Variants in TMEM18 observed in about 807,000 individuals in gnomAD.
The protein encoded by TMEM18 is transmembrane protein 18.
In TMEM18, 14 loss-of-function variants were observed where a neutral mutation model predicts 17.4. The ratio of observed to expected loss-of-function variants is 0.80; its 90% CI spans 0.53 to 1.25. The LOEUF (loss-of-function observed/expected upper bound fraction) is 1.25, where lower values mean the gene tolerates loss of function less well. Among genes scored for constraint, TMEM18 ranks in the 50% most tolerant of loss-of-function variants. The pLI is 0.00. For synonymous variants in TMEM18, 86 were observed against 66.1 expected (o/e 1.30, Z -1.46); for missense variants, 187 against 172.1 (o/e 1.09, Z -0.48).
Position 667,273 on chromosome 2 carries a change from C to T in TMEM18, c.*2307G>A, listed in dbSNP as rs1678718637. 6.6e-6 allele frequency: 1 copy of T among 151,426 alleles called. No homozygotes were observed. The highest frequency in any genetic ancestry group is 1.5e-5 in the Non-Finnish European group (1 of 67,916). The allele number at this position is 151,426 out of a possible 1,614,324, so 9.4% of individuals were successfully genotyped here. On this transcript the variant is annotated 3_prime_UTR_variant, in exon 5 of 5. Coordinates refer to ENST00000281017, the MANE Select transcript of TMEM18 (RefSeq NM_152834.4). ...GCTAAGTTCCAGGTGCTCCTGTTTC[C>T]AGTTACAGTAAGGTGCAAAACAAAT...
chr2:666,846 A>T lies in TMEM18; in HGVS notation c.*2734T>A, dbSNP rs539023516. Reference sequence around the variant, plus strand: ...ATGTTCTGGTTAACTTGGTGAAAGAAGAAGGGTGCTCCACTGAAATCCAGA... The same window carrying T: ...ATGTTCTGGTTAACTTGGTGAAAGATGAAGGGTGCTCCACTGAAATCCAGA... On this transcript the variant is annotated 3_prime_UTR_variant, in exon 5 of 5. Coordinates refer to ENST00000281017, the MANE Select transcript of TMEM18 (RefSeq NM_152834.4). 1.3e-5 allele frequency among the ~76,000 whole-genome samples: 2 copies of T among 152,266 alleles called. No homozygotes were observed. The highest frequency in any genetic ancestry group is 4.1e-4 in the South Asian group (2 of 4,824).
intron 2 of TMEM18, among the ~76,000 whole-genome samples, chr2:674,230 G>C (rs1678935439): frequency 1.3e-5 from 2 of 152,300 alleles, no homozygotes; most frequent in South Asian, 2.1e-4. Flanking sequence ...CCTTTGTGCA[G>C]TTCTCCAGCT....
At chr2:672,110 T>C (rs1329251070) in intron 3 of TMEM18, among the ~76,000 whole-genome samples, 1 of 152,298 alleles carries the variant, frequency 6.6e-6, no homozygotes, top group African/African-American at 2.4e-5. Context: ...TCAGGGCTTA[T>C]GGGCCACAAG....
At chr2:673,337 A>G (rs904505405) in intron 2 of TMEM18, among the ~76,000 whole-genome samples, 9 of 152,078 alleles carry the variant, frequency 5.9e-5, no homozygotes, top group African/African-American at 2.2e-4. Context: ...AGGGGAGCGA[A>G]CAGCTTTGGG....
Position 669,747 on chromosome 2 carries a change from A to G in TMEM18, c.327+10T>C. On this transcript the variant is annotated intron_variant, in intron 4 of 4. Coordinates refer to ENST00000281017, the MANE Select transcript of TMEM18 (RefSeq NM_152834.4). ...ATGAAGAAAGACAACTGAAAGTGTCATCTACGTACCACAATGATCATGGCA... is the reference window on the plus strand; with the variant it reads ...ATGAAGAAAGACAACTGAAAGTGTCGTCTACGTACCACAATGATCATGGCA... 6.2e-7 allele frequency: 1 copy of G among 1,613,946 alleles called. No homozygotes were observed. The highest frequency in any genetic ancestry group is 8.5e-7 in the Non-Finnish European group (1 of 1,179,790).
Position 669,598 on chromosome 2 carries a change from CCTTTT to C in TMEM18, c.400_404del (p.Lys134GlufsTer106), listed in dbSNP as rs757023097. 3.1e-6 allele frequency: 5 copies of C among 1,614,200 alleles called. No individual in the cohort carries two copies. Among genetic ancestry groups the C allele is most frequent in the Non-Finnish European group, 3.4e-6 (4 of 1,180,032 alleles). On this transcript the variant is annotated frameshift_variant, in exon 5 of 5. Coordinates refer to ENST00000281017, the MANE Select transcript of TMEM18 (RefSeq NM_152834.4). LOFTEE classifies it high-confidence loss of function. ...CTGCCCCTCAGTCTTCTTTCCTTCT[CCTTTT>C]CTTTTCCTTTCTTCTCTCTTGTGCA...
intron 1 of TMEM18, chr2:676,436 C>A: frequency 1.8e-6 from 2 of 1,120,400 alleles, no homozygotes; most frequent in South Asian, 3.1e-5. Flanking sequence ...CAGCCCCGCC[C>A]TGCCCTCCAA....
chr2:669,727 G>A, intron 4 of TMEM18, 30 bp downstream of exon 4: 9 of 1,613,822 alleles, frequency 5.6e-6, no homozygotes, highest in Non-Finnish European at 7.6e-6. Context: ...TACACATGAA[G>A]AAAGACAACT....
Position 666,557 on chromosome 2 carries a change from C to T in TMEM18, c.*3023G>A, listed in dbSNP as rs1236465811. 2.0e-5 allele frequency among the ~76,000 whole-genome samples: 3 copies of T among 152,198 alleles called. No homozygotes were observed. Among genetic ancestry groups the T allele is most frequent in the Non-Finnish European group, 4.4e-5 (3 of 68,024 alleles). ...CCCACTCGGAACAAGCTGCCACCAACGCATGGCACCCACAGCCTGCGTGGG... is the reference window on the plus strand; with the variant it reads ...CCCACTCGGAACAAGCTGCCACCAATGCATGGCACCCACAGCCTGCGTGGG... On this transcript the variant is annotated 3_prime_UTR_variant, in exon 5 of 5. Transcript: ENST00000281017.
At position 675,554 on chromosome 2, in the gene TMEM18, G is replaced by A; in HGVS notation, c.134C>T (p.Ser45Phe). ...GATCTGTAGTCTGTAGCTTCGGGAG[G>A]ACAAGCAGGTGAGGAGCACGCAGAG... ...HALCVLLTCL[S>F]SRSYRLQIGH... The change falls in exon 2 of 5, where the codon TCC (serine) becomes TTC (phenylalanine). Residue 45 changes from serine (S) to phenylalanine (F), a missense_variant. By Grantham distance (155) the Ser-to-Phe change is radical. Coordinates refer to ENST00000281017, the MANE Select transcript of TMEM18 (RefSeq NM_152834.4). The A allele has an allele frequency of 1.2e-6, 2 of 1,614,252 alleles. No homozygotes were observed. The highest frequency in any genetic ancestry group is 1.7e-6 in the Non-Finnish European group (2 of 1,180,046).
rs1678693139 is a variant in TMEM18 at position 666,470 on chromosome 2, G to C, written c.*3110C>G. ...AGGCCGCTGTGAAACTGGAACATCG[G>C]AGGAAGAGGAGCTAGAAAGCTTACC... On this transcript the variant is annotated 3_prime_UTR_variant, in exon 5 of 5. Transcript: ENST00000281017. 6.6e-6 allele frequency among the ~76,000 whole-genome samples: 1 copy of C among 152,196 alleles called. No individual in the cohort carries two copies. The highest frequency in any genetic ancestry group is 1.5e-5 in the Non-Finnish European group (1 of 68,034).
At chr2:673,071 G>C (rs1678897438) in intron 2 of TMEM18, among the ~76,000 whole-genome samples, 1 of 152,212 alleles carries the variant, frequency 6.6e-6, no homozygotes, top group Non-Finnish European at 1.5e-5. Flanking sequence ...GTTCTCCAAT[G>C]CTCTATGGTC....
intron 1 of TMEM18, chr2:676,818 CCG>C: frequency 1.5e-6 from 1 of 649,528 alleles, no homozygotes; most frequent in Non-Finnish European, 2.6e-6. Flanking sequence ...CAAGCCCCGC[CCG>C]CAAGACGCTG....
intron 1 of TMEM18, chr2:676,435 C>A (rs966306208): frequency 6.3e-6 from 7 of 1,107,846 alleles, no homozygotes; most frequent in Admixed American, 2.6e-5. Flanking sequence ...GCAGCCCCGC[C>A]CTGCCCTCCA....
rs1553272228 is a variant in TMEM18 at position 669,598 on chromosome 2, C to G, written c.405G>C (p.Arg135Ser). 6.2e-7 allele frequency: 1 copy of G among 1,614,200 alleles called. No homozygotes were observed. The highest frequency in any genetic ancestry group is 1.1e-5 in the South Asian group (1 of 91,082). Residue 135 changes from arginine (R) to serine (S), a missense_variant, in exon 5 of 5, where the codon AGG becomes AGC. Physicochemically the swap from Arg to Ser is moderately radical, Grantham distance 110 (BLOSUM62 -1). Coordinates refer to ENST00000281017, the MANE Select transcript of TMEM18 (RefSeq NM_152834.4). ...NAQERRKEKK[R>S]RRKED ...CTGCCCCTCAGTCTTCTTTCCTTCTCCTTTTCTTTTCCTTTCTTCTCTCTT... is the reference window on the plus strand; with the variant it reads ...CTGCCCCTCAGTCTTCTTTCCTTCTGCTTTTCTTTTCCTTTCTTCTCTCTT...
Position 667,923 on chromosome 2 carries a change from T to C in TMEM18, c.*1657A>G, listed in dbSNP as rs1369633283. 1 of 152,196 alleles carries C rather than the reference T, an allele frequency of 6.6e-6. No homozygotes were observed. Among genetic ancestry groups the C allele is most frequent in the Non-Finnish European group, 1.5e-5 (1 of 68,040 alleles). The allele number at this position is 152,196 out of a possible 1,614,324, so 9.4% of individuals were successfully genotyped here. A position where few individuals can be genotyped will look rare whatever the true frequency, so the allele number is the denominator to read the frequency against. On this transcript the variant is annotated 3_prime_UTR_variant, in exon 5 of 5. Transcript: ENST00000281017. ...TTAAGTCCAAATAACATATAGATGT[T>C]TAATTAGTCTGTTCTCACACTGCTA... is the stretch of plus-strand genomic sequence containing the variant.
chr2:664,933 T>C lies in TMEM18; in HGVS notation c.*4647A>G, dbSNP rs1441457631. ...TGCAGGCATTGAAAATAATGTTATA[T>C]AGTGAAATAGCATCATGATAATAGG... On this transcript the variant is annotated 3_prime_UTR_variant, in exon 5 of 5. Coordinates refer to ENST00000281017, the MANE Select transcript of TMEM18 (RefSeq NM_152834.4). Among the ~76,000 whole-genome samples the C allele has an allele frequency of 6.6e-6, 1 of 152,324 alleles. No individual in the cohort carries two copies. The highest frequency in any genetic ancestry group is 2.4e-5 in the African/African-American group (1 of 41,570).
rs1678880766 is a variant in TMEM18 at position 672,684 on chromosome 2, G to A, written c.233+124C>T. On this transcript the variant is annotated intron_variant, in intron 3 of 4. Transcript: ENST00000281017. ...GAGCCCACCAACCCTGGATGCACGG[G>A]CACGGGCTGTGCACAGCTGCCACGT... 4 of 818,750 alleles carry A rather than the reference G, an allele frequency of 4.9e-6. No homozygotes were observed. The Admixed American group carries it at 1.6e-4, about 32-fold the overall frequency. 50.7% of individuals were successfully genotyped at this position (818,750 alleles called of 1,614,324 possible).
In TMEM18 at chr2:667,889, G is replaced by T. The variant is rs1288985578; in HGVS notation, c.*1691C>A. 6.6e-6 allele frequency: 1 copy of T among 152,232 alleles called. No homozygotes were observed. The highest frequency in any genetic ancestry group is 2.1e-4 in the South Asian group (1 of 4,818). The allele number at this position is 152,232 out of a possible 1,614,324, so 9.4% of individuals were successfully genotyped here. ...CAGGCAAACTGAGATTCAATCACAC[G>T]GCCCCATATTAAGTCCAAATAACAT... On this transcript the variant is annotated 3_prime_UTR_variant, in exon 5 of 5. Coordinates refer to ENST00000281017, the MANE Select transcript of TMEM18 (RefSeq NM_152834.4).
Sources: gnomAD v4.1 joint callset for allele counts (sites outside exome capture counted in the v4.1 genomes callset) on GRCh38, gnomAD v4.1.1 for gene constraint, MANE v1.5 for transcripts, NCBI Gene and HGNC (gene_info 2026-07-23, HGNC 2026-07-21) for gene names.